SERINC2: variants seen among roughly 807,000 people sequenced by gnomAD.
SERINC2 encodes serine incorporator 2, also known as tumor differentially expressed protein 2.
SERINC2 carries 56 observed loss-of-function variants against 54.2 expected under a neutral mutation model. The ratio of observed to expected loss-of-function variants is 1.03; its 90% confidence interval spans 0.83 to 1.29. The LOEUF (loss-of-function observed/expected upper bound fraction) is 1.29, where lower values mean the gene tolerates loss of function less well. Among genes scored for constraint, SERINC2 ranks in the 50% most tolerant of loss-of-function variants. The probability of loss-of-function intolerance (pLI) is 0.00; values close to 1 mark genes in which losing one functional copy is unlikely to be tolerated. For missense variants in SERINC2, 614 were observed against 607.4 expected (o/e 1.01, Z -0.12); for synonymous variants, 272 against 253.1 (o/e 1.07, Z -0.71).
intron 1 of SERINC2, among the ~76,000 whole-genome samples, chr1:31,419,187 A>G (rs1428467276): frequency 6.6e-6 from 1 of 152,176 alleles, no homozygotes; most frequent in Non-Finnish European, 1.5e-5. Flanking sequence ...TTCACACTGC[A>G]TCATGAGCAT....
At chr1:31,410,301 A>C, upstream of SERINC2, 1 of 1,527,920 alleles carries the variant, frequency 6.5e-7, no homozygotes, top group Non-Finnish European at 8.8e-7. Flanking sequence ...CCAAGAAATG[A>C]AGCTCTTTAT....
In SERINC2 at chr1:31,424,850, C is replaced by A. The variant is rs782639914; in HGVS notation, c.369C>A (p.Asp123Glu). The change falls in exon 3 of 10, where the codon GAC (aspartate) becomes GAA (glutamate). Residue 123 changes from aspartate to glutamate, a missense_variant. Transcript: ENST00000373709. ...TGCTCTGCGTGAGCAGCAGCCGGGA[C>A]CCCCGGGCTGCCATCCAGAATGGGT... The part of the protein sequence containing the change: ...LLMLCVSSSR[D>E]PRAAIQNGFW... 2.6e-5 allele frequency: 42 copies of A among 1,611,338 alleles called. No individual in the cohort carries two copies. The highest frequency in any genetic ancestry group is 3.4e-5 in the Non-Finnish European group (40 of 1,179,380).
chr1:31,430,952 C>A (rs1641179326), intron 8 of SERINC2, among the ~76,000 whole-genome samples: 1 of 152,194 alleles, frequency 6.6e-6, no homozygotes, highest in Non-Finnish European at 1.5e-5. Context: ...TTTTAAAGCT[C>A]TTTCACATTT....
chr1:31,421,433 C>T (rs1361698090), intron 1 of SERINC2, among the ~76,000 whole-genome samples: 3 of 152,200 alleles, frequency 2.0e-5, no homozygotes, highest in Admixed American at 6.5e-5. Flanking sequence ...CTTGGGGTGG[C>T]AGCTGCAAGA....
At position 31,433,110 on chromosome 1, in the gene SERINC2, A is replaced by G; in HGVS notation, c.1157A>G (p.Tyr386Cys). Residue 386 changes from tyrosine to cysteine, a missense_variant, in exon 9 of 10, where the codon TAC (tyrosine) becomes TGC (cysteine). Tyr to Cys is a radical substitution (Grantham distance 194). Coordinates refer to ENST00000373709, the MANE Select transcript of SERINC2 (RefSeq NM_178865.5). ...GACAACGAGCAGGACGGCGTCACCT[A>G]CAGCTACTCCTTCTTCCACTTCTGC... ...AFDNEQDGVT[Y>C]SYSFFHFCLV... 6.2e-7 allele frequency: 1 copy of G among 1,613,702 alleles called. No individual in the cohort carries two copies. Among genetic ancestry groups the G allele is most frequent in the Non-Finnish European group, 8.5e-7 (1 of 1,180,008 alleles).
chr1:31,419,877 C>T (rs1197433680), intron 1 of SERINC2, among the ~76,000 whole-genome samples: 2 of 149,716 alleles, frequency 1.3e-5, no homozygotes, highest in Non-Finnish European at 3.0e-5. Flanking sequence ...GGCATTGTGG[C>T]TGGTGCCTGT....
At chr1:31,430,367 C>G (rs1239747422) in intron 8 of SERINC2, among the ~76,000 whole-genome samples, 1 of 150,996 alleles carries the variant, frequency 6.6e-6, no homozygotes, top group East Asian at 2.0e-4. Context: ...ATTAACAAAA[C>G]AAAACAAAAA....
rs147664019 is a variant in SERINC2 at position 31,424,709 on chromosome 1, C to G, written c.228C>G (p.Ala76=). 2.5e-5 allele frequency: 40 copies of G among 1,603,772 alleles called. No individual in the cohort carries two copies. The African/African-American group carries it at 4.8e-4, about 19-fold the overall frequency. The change falls in exon 3 of 10, where the codon GCC becomes GCG. Residue 76 remains alanine (A), a synonymous_variant. Coordinates refer to ENST00000373709, the MANE Select transcript of SERINC2 (RefSeq NM_178865.5). ...YKLPWVCEEG[A]GIPTVLQGHI... is the part of the protein sequence containing the mutation. ...TGCCCTGGGTGTGTGAGGAGGGGGC[C>G]GGGATCCCCACCGTCCTGCAGGGCC... is the stretch of plus-strand genomic sequence containing the variant.
chr1:31,429,275 C>CTTGAGTGG, intron 7 of SERINC2, 122 bp from the exon 8 acceptor site: 1 of 1,281,520 alleles, frequency 7.8e-7, no homozygotes, highest in South Asian at 1.4e-5. Flanking sequence ...GTTGCTGGGA[C>CTTGAGTGG]TTGAGTGGTT....
intron 1 of SERINC2, chr1:31,415,985 G>A: frequency 1.1e-6 from 1 of 883,184 alleles, no homozygotes; most frequent in Non-Finnish European, 1.4e-6. Context: ...GGCACATGAT[G>A]ACTTGGCTGT....
chr1:31,429,214 C>T (rs1232206462), intron 7 of SERINC2, 146 bp downstream of exon 7: 4 of 993,320 alleles, frequency 4.0e-6, no homozygotes, highest in Non-Finnish European at 6.2e-6. Flanking sequence ...GATGGGAGGG[C>T]CCCGTCTGTT....
rs1553131934 is a variant in SERINC2 at position 31,414,423 on chromosome 1, GT to G, written c.39+1120del. 14 of 685,210 alleles carry G rather than the reference GT, an allele frequency of 2.0e-5. No homozygotes were observed. In the African/African-American group the frequency reaches 3.3e-4, roughly 16 times the overall value. The allele number at this position is 685,210 out of a possible 1,614,324, so 42.4% of individuals were successfully genotyped here. A position where few individuals can be genotyped will look rare whatever the true frequency, so the allele number is the denominator to read the frequency against. Reference sequence around the variant, plus strand: ...CGCTTTCCTTTGTCCCTGACGGGTTGTGTGTGTGTGTGTGTGTGTGTGTGTG... The same window carrying G: ...CGCTTTCCTTTGTCCCTGACGGGTTGGTGTGTGTGTGTGTGTGTGTGTGTG... On this transcript the variant is annotated intron_variant, in intron 1 of 9. Coordinates refer to ENST00000373709, the MANE Select transcript of SERINC2 (RefSeq NM_178865.5).
At position 31,429,471 on chromosome 1, in the gene SERINC2, A is replaced by G. The variant is rs1433695935; in HGVS notation, c.946A>G (p.Thr316Ala). Residue 316 changes from threonine (T) to alanine (A), a missense_variant, in exon 8 of 10, where the codon ACC (threonine) becomes GCC (alanine). Coordinates refer to ENST00000373709, the MANE Select transcript of SERINC2 (RefSeq NM_178865.5). ...TVVAGPEGYE[T>A]QWWDAPSIVG... ...TGTGGCAGGCCCCGAGGGCTATGAG[A>G]CCCAGTGGTGGGATGCCCCGAGCAT... 1 of 1,613,692 alleles carries G rather than the reference A, an allele frequency of 6.2e-7. No individual in the cohort carries two copies. Among genetic ancestry groups the G allele is most frequent in the Admixed American group, 1.7e-5 (1 of 59,958 alleles).
intron 8 of SERINC2, among the ~76,000 whole-genome samples, chr1:31,432,128 A>AGGGTGGT (rs1641293390): frequency 1.1e-5 from 1 of 92,832 alleles, no homozygotes; most frequent in Non-Finnish European, 2.1e-5. Flanking sequence ...GTTAGGGTGG[A>AGGGTGGT]TAGGGTGGAC....
upstream of SERINC2, chr1:31,410,304 C>T: frequency 6.5e-7 from 1 of 1,530,290 alleles, no homozygotes. Flanking sequence ...AGAAATGAAG[C>T]TCTTTATCCA....
At chr1:31,430,725 C>T (rs907159017) in intron 8 of SERINC2, among the ~76,000 whole-genome samples, 8 of 152,184 alleles carry the variant, frequency 5.3e-5, no homozygotes, top group Non-Finnish European at 8.8e-5. Flanking sequence ...GGTGGCTGTT[C>T]TTACAAGTCA....
chr1:31,413,001 C>T (rs1038146346), upstream of SERINC2: 5 of 283,508 alleles, frequency 1.8e-5, no homozygotes, highest in East Asian at 6.0e-4. This position sits in a 1 kb window ranked among gnomAD's most constrained non-coding sequence, Gnocchi z 5.0. Context: ...AGGATGCGAG[C>T]CCGGGCCACG....
chr1:31,409,883 G>A (rs79496449), upstream of SERINC2: 6,583 of 1,534,350 alleles, frequency 4.3e-3, 366 homozygotes, highest in East Asian at 0.13. Flanking sequence ...AATGGATTGG[G>A]GGCACTGAGG....
At chr1:31,430,659 GTA>G (rs1641171026) in intron 8 of SERINC2, among the ~76,000 whole-genome samples, 1 of 152,202 alleles carries the variant, frequency 6.6e-6, no homozygotes, top group Admixed American at 6.5e-5. Flanking sequence ...GTGAACATTT[GTA>G]TATTAGTATG....
Sources: gnomAD v4.1 joint callset for allele counts (sites outside exome capture counted in the v4.1 genomes callset) on GRCh38, gnomAD v4.1.1 for gene constraint, Gnocchi (gnomAD v3.1) non-coding constraint, MANE v1.5 for transcripts, NCBI Gene and HGNC (gene_info 2026-07-23, HGNC 2026-07-21) for gene names.